Variants in ZNF423 observed in about 807,000 individuals in gnomAD.
The protein encoded by ZNF423 is Ebf-associated zinc finger protein.
A neutral mutation model predicts 95.8 loss-of-function variants in ZNF423; 12 were observed. The ratio of observed to expected loss-of-function variants is 0.13; its 90% CI spans 0.08 to 0.20. The LOEUF (loss-of-function observed/expected upper bound fraction) is 0.20. Ranked by LOEUF, ZNF423 falls within the 10% of genes least tolerant of loss-of-function variation. The pLI, the probability that ZNF423 is intolerant of heterozygous loss-of-function variation, is 1.00. For synonymous variants in ZNF423, 749 were observed against 711.9 expected (o/e 1.05, Z -0.83); for missense variants, 1,316 against 1,737.1 (o/e 0.76, Z 4.31).
At chr16:49,581,732 G>T (rs976605992) in intron 5 of ZNF423, among the ~76,000 whole-genome samples, 1 of 152,056 alleles carries the variant, frequency 6.6e-6, no homozygotes, top group African/African-American at 2.4e-5. Context: ...TCGTTTCCCC[G>T]TTTCTCTTTG....
chr16:49,765,544 C>CCACACACA (rs59923016), intron 2 of ZNF423, among the ~76,000 whole-genome samples: 7 of 149,298 alleles, frequency 4.7e-5, no homozygotes, highest in African/African-American at 1.2e-4. Flanking sequence ...GACCTCATCT[C>CCACACACA]CACACACACA....
intron 1 of ZNF423, among the ~76,000 whole-genome samples, chr16:49,845,040 A>AAAAC (rs2035229626): frequency 9.8e-6 from 1 of 102,500 alleles, no homozygotes; most frequent in Non-Finnish European, 2.3e-5. Context: ...CATCTCAAAA[A>AAAAC]AAAAAAAAAA....
intron 7 of ZNF423, among the ~76,000 whole-genome samples, chr16:49,523,080 C>A (rs1452451919): frequency 2.6e-5 from 4 of 152,148 alleles, no homozygotes; most frequent in Non-Finnish European, 4.4e-5. Flanking sequence ...GATGAGGATG[C>A]AAGGAAGTTG....
At position 49,753,343 on chromosome 16, in the gene ZNF423, T is replaced by A. The variant is rs1304152780; in HGVS notation, c.101-22372A>T. Among the ~76,000 whole-genome samples the A allele has an allele frequency of 2.0e-5, 3 of 151,866 alleles. No individual in the cohort carries two copies. The East Asian group carries it at 5.8e-4, about 29-fold the overall frequency. ...GAGGCTAGGCGCGGTGGCTCACACC[T>A]ATAATACTAGCACTTTGCGAAGCTG... On this transcript the variant is annotated intron_variant, in intron 2 of 7. Coordinates refer to ENST00000563137, the MANE Select transcript of ZNF423 (RefSeq NM_001379286.1).
At chr16:49,685,528 T>G (rs2031530462) in intron 3 of ZNF423, among the ~76,000 whole-genome samples, 1 of 152,120 alleles carries the variant, frequency 6.6e-6, no homozygotes. Context: ...CCAATCCTAT[T>G]CCTCCTTCAG....
intron 5 of ZNF423, among the ~76,000 whole-genome samples, chr16:49,615,792 C>T (rs557062639): frequency 1.5e-4 from 23 of 152,300 alleles, no homozygotes; most frequent in African/African-American, 5.3e-4. Flanking sequence ...TGGCTCCACC[C>T]AAATGGTCTC....
chr16:49,644,912 C>T lies in ZNF423; in HGVS notation c.302-6038G>A, dbSNP rs535638964. ...ACCAGTGGGAGTCATGCTGGGGCAACGGGCAGAGAGTCCATCAGGAGGCTG... is the reference window on the plus strand; with the variant it reads ...ACCAGTGGGAGTCATGCTGGGGCAATGGGCAGAGAGTCCATCAGGAGGCTG... On this transcript the variant is annotated intron_variant, in intron 3 of 7. Coordinates refer to ENST00000563137, the MANE Select transcript of ZNF423 (RefSeq NM_001379286.1). Among the ~76,000 whole-genome samples the T allele has an allele frequency of 2.0e-4, 31 of 152,178 alleles. 1 individual carries two copies. The highest frequency in any genetic ancestry group is 3.9e-4 in the Admixed American group (6 of 15,296).
intron 2 of ZNF423, among the ~76,000 whole-genome samples, chr16:49,751,092 T>G (rs1048144887): frequency 1.3e-5 from 2 of 152,164 alleles, no homozygotes; most frequent in African/African-American, 4.8e-5. Flanking sequence ...CAGAGTCCAG[T>G]GCACACAACT....
At chr16:49,552,289 C>T (rs1408621146) in intron 5 of ZNF423, among the ~76,000 whole-genome samples, 2 of 152,246 alleles carry the variant, frequency 1.3e-5, no homozygotes, top group Non-Finnish European at 2.9e-5. Context: ...GCTCCTGCCC[C>T]TTTCTGAGCC....
intron 3 of ZNF423, among the ~76,000 whole-genome samples, chr16:49,642,940 C>T (rs1973032738): frequency 6.6e-6 from 1 of 151,390 alleles, no homozygotes; most frequent in Non-Finnish European, 1.5e-5. Context: ...CCTTCCTCAT[C>T]CTCTCATGTA....
chr16:49,680,882 G>A (rs75232028), intron 3 of ZNF423, among the ~76,000 whole-genome samples: 1 of 152,218 alleles, frequency 6.6e-6, no homozygotes, highest in Admixed American at 6.5e-5. Context: ...AGAAGGCACT[G>A]CTGGCCACAG....
intron 5 of ZNF423, among the ~76,000 whole-genome samples, chr16:49,590,873 C>G (rs1050340840): frequency 6.6e-6 from 1 of 152,174 alleles, no homozygotes; most frequent in African/African-American, 2.4e-5. Context: ...GCCACTCTGT[C>G]TCCAGAGAAG....
chr16:49,829,959 C>T (rs2035044816), intron 1 of ZNF423, among the ~76,000 whole-genome samples: 1 of 152,174 alleles, frequency 6.6e-6, no homozygotes, highest in Non-Finnish European at 1.5e-5. Flanking sequence ...TCTCCTGAAG[C>T]CTAGGGACAC....
At chr16:49,671,598 G>A (rs1484236108) in intron 3 of ZNF423, among the ~76,000 whole-genome samples, 2 of 152,244 alleles carry the variant, frequency 1.3e-5, no homozygotes, top group Non-Finnish European at 2.9e-5. Context: ...GTGCTGCTCT[G>A]TGTGATGGGT....
chr16:49,663,533 T>C (rs1407079373), intron 3 of ZNF423, among the ~76,000 whole-genome samples: 1 of 152,170 alleles, frequency 6.6e-6, no homozygotes, highest in South Asian at 2.1e-4. Flanking sequence ...GGGATGGCTT[T>C]TTAGGTGGCA....
At chr16:49,631,589 C>T (rs1441751623) in intron 4 of ZNF423, among the ~76,000 whole-genome samples, 1 of 152,206 alleles carries the variant, frequency 6.6e-6, no homozygotes, top group Admixed American at 6.5e-5. Context: ...GGCTGCCTCC[C>T]CCAACACAGC....
chr16:49,526,227 G>A (rs1350619670), intron 5 of ZNF423, among the ~76,000 whole-genome samples: 1 of 152,172 alleles, frequency 6.6e-6, no homozygotes, highest in Non-Finnish European at 1.5e-5. Context: ...ATTTTACTTC[G>A]AGACTGACGG....
chr16:49,495,928 C>T (rs1596997621), intron 7 of ZNF423, among the ~76,000 whole-genome samples: 1 of 152,224 alleles, frequency 6.6e-6, no homozygotes, highest in African/African-American at 2.4e-5. Context: ...CTATCCATCA[C>T]CATGTCAAGT....
chr16:49,546,636 G>A (rs1056170611), intron 5 of ZNF423, among the ~76,000 whole-genome samples: 2 of 152,172 alleles, frequency 1.3e-5, no homozygotes, highest in African/African-American at 2.4e-5. Flanking sequence ...TAGTGAGCGC[G>A]CACAGCAGCT....
Sources: allele counts gnomAD v4.1 joint callset (sites outside exome capture counted in the v4.1 genomes callset), GRCh38; gene constraint gnomAD v4.1.1; transcripts MANE v1.5; gene names NCBI Gene and HGNC (gene_info 2026-07-23, HGNC 2026-07-21).